The following PIH1D2 variants were observed in gnomAD, a reference collection of about 807,000 sequenced individuals.
The protein encoded by PIH1D2 is PIH1 domain-containing protein 2.
A neutral mutation model predicts 31.2 loss-of-function variants in PIH1D2; 25 were observed. The observed-to-expected ratio is 0.80, with a 90% CI of 0.58 to 1.12. PIH1D2 has a LOEUF of 1.12. Among genes scored for constraint, PIH1D2 ranks in the 50% most tolerant of loss-of-function variants. The pLI, the probability that PIH1D2 is intolerant of heterozygous loss-of-function variation, is 0.00. For synonymous variants in PIH1D2, 116 were observed against 119.9 expected (o/e 0.97, Z 0.21); for missense variants, 310 against 356.6 (o/e 0.87, Z 1.05).
In PIH1D2 at chr11:112,067,915, T is replaced by C. The variant is rs781988609; in HGVS notation, c.904A>G (p.Ile302Val). 4.3e-6 allele frequency: 7 copies of C among 1,611,300 alleles called. No individual in the cohort carries two copies. The Admixed American group carries it at 6.7e-5, about 15-fold the overall frequency. Residue 302 changes from isoleucine to valine, a missense_variant, in exon 6 of 6, where the codon ATC (isoleucine) becomes GTC (valine). By Grantham distance (29) the Ile-to-Val change is conservative. Coordinates refer to ENST00000280350, the MANE Select transcript of PIH1D2 (RefSeq NM_138789.4). ...ATGATTAGCGTGGATTTTTCTTTGA[T>C]AAATTTTGCTGTGGTCATTTCAGTA... is the stretch of plus-strand genomic sequence containing the variant. ...IDTEMTTAKF[I>V]KEKSTLIITM...
At position 112,071,302 on chromosome 11, in the gene PIH1D2, G is replaced by T; in HGVS notation, c.302-19C>A. On this transcript the variant is annotated intron_variant, in intron 3 of 5. Coordinates refer to ENST00000280350, the MANE Select transcript of PIH1D2 (RefSeq NM_138789.4). ...TAAGCATCTGTGTGTGTAATTGAAAGGGTATGAAATGAAGAAAAATTGTTG... is the reference window on the plus strand; with the variant it reads ...TAAGCATCTGTGTGTGTAATTGAAATGGTATGAAATGAAGAAAAATTGTTG... The T allele has an allele frequency of 6.3e-7, 1 of 1,593,106 alleles. No homozygotes were observed. Among genetic ancestry groups the T allele is most frequent in the Non-Finnish European group, 8.5e-7 (1 of 1,169,770 alleles).
chr11:112,055,121 A>G, the PIH1D2 span, among the ~76,000 whole-genome samples: 2 of 151,582 alleles, frequency 1.3e-5, no homozygotes, highest in East Asian at 3.9e-4. Flanking sequence ...AACAGACTTT[A>G]GTCTTCCTGT....
chr11:112,067,709 T>TATATATATATATATATATATATAG (rs1864981166), downstream of PIH1D2: 1 of 222,800 alleles, frequency 4.5e-6, no homozygotes, highest in Non-Finnish European at 7.9e-6. Flanking sequence ...TATATATATA[T>TATATATATATATATATATATATAG]ATATTTGACA....
In PIH1D2 at chr11:112,070,548, G is replaced by A. The variant is rs781970407; in HGVS notation, c.701C>T (p.Ala234Val). 4 of 1,614,092 alleles carry A rather than the reference G, an allele frequency of 2.5e-6. No homozygotes were observed. In the East Asian group the frequency reaches 6.7e-5, roughly 27 times the overall value. ...ATCATGCACAATTTTTAGTTCATAG[G>A]CTGGCATCTTCATCTCCACCTGGAT... ...TEIQVEMKMP[A>V]YELKIVHDHS... The change falls in exon 5 of 6, where the codon GCC becomes GTC. Residue 234 changes from alanine (A) to valine (V), a missense_variant. Ala to Val is a moderately conservative substitution (Grantham distance 64). Coordinates refer to ENST00000280350, the MANE Select transcript of PIH1D2 (RefSeq NM_138789.4).
chr11:112,071,235 G>A lies in PIH1D2; in HGVS notation c.350C>T (p.Ala117Val), dbSNP rs1425917. 0.087 allele frequency: 140,291 copies of A among 1,613,306 alleles called. 7,084 individuals are homozygous for A. The highest frequency in any genetic ancestry group is 0.1 in the Non-Finnish European group (121,607 of 1,179,496). ...DVAYNPDVLH[A>V]AEKDQVKKNQ... ...TTTTTTCACTTGGTCCTTTTCTGCT[G>A]CATGAAGAACATCAGGATTGTAGGC... The change falls in exon 4 of 6, where the codon GCA (alanine) becomes GTA (valine). Residue 117 changes from alanine to valine, a missense_variant. Coordinates refer to ENST00000280350, the MANE Select transcript of PIH1D2 (RefSeq NM_138789.4).
the PIH1D2 span, among the ~76,000 whole-genome samples, chr11:112,058,019 G>T: frequency 2.0e-5 from 3 of 152,098 alleles, no homozygotes; most frequent in Non-Finnish European, 4.4e-5. Flanking sequence ...CATGTGACTC[G>T]CTTTATTGCA....
downstream of PIH1D2, among the ~76,000 whole-genome samples, chr11:112,058,651 T>C (rs1864298933): frequency 6.6e-6 from 1 of 151,522 alleles, no homozygotes; most frequent in Non-Finnish European, 1.5e-5. Context: ...CCTTTTTTTT[T>C]TTCTACTAAC....
At chr11:112,061,278 T>C, downstream of PIH1D2, 1 of 1,238,466 alleles carries the variant, frequency 8.1e-7, no homozygotes, top group Non-Finnish European at 1.2e-6. Context: ...CCCTCAAATA[T>C]CGTGATCCAC....
chr11:112,053,508 A>G, the PIH1D2 span, among the ~76,000 whole-genome samples: 1 of 151,964 alleles, frequency 6.6e-6, no homozygotes, highest in East Asian at 1.9e-4. Context: ...GCTAGAGTGC[A>G]GTGGCGTGAT....
At chr11:112,053,774 A>G in the PIH1D2 span, among the ~76,000 whole-genome samples, 6 of 152,082 alleles carry the variant, frequency 3.9e-5, no homozygotes, top group African/African-American at 7.2e-5. Flanking sequence ...CTTTTAAACT[A>G]TTGTTTCTTC....
downstream of PIH1D2, chr11:112,061,052 G>T: frequency 6.2e-7 from 1 of 1,601,940 alleles, no homozygotes; most frequent in South Asian, 1.1e-5. Flanking sequence ...GCACTTTTAC[G>T]ATCTCCAATT....
chr11:112,064,083 G>T, downstream of PIH1D2: 2 of 1,145,000 alleles, frequency 1.7e-6, no homozygotes, highest in Non-Finnish European at 2.4e-6. Flanking sequence ...TCAGTAATTA[G>T]TAATTTTAGG....
rs980270764 is a variant in PIH1D2, at chr11:112,068,983, T to G, written c.814-978A>C. On this transcript the variant is annotated intron_variant, in intron 5 of 5. Coordinates refer to ENST00000280350, the MANE Select transcript of PIH1D2 (RefSeq NM_138789.4). ...TGTTAAAACCTCTGAATTTTTTTTGTTTTTTTTTTTTTTTGTTTTTTTTTT... is the reference window on the plus strand; with the variant it reads ...TGTTAAAACCTCTGAATTTTTTTTGGTTTTTTTTTTTTTTGTTTTTTTTTT... 2.0e-4 allele frequency among the ~76,000 whole-genome samples: 19 copies of G among 94,236 alleles called. 1 individual carries two copies. The highest frequency in any genetic ancestry group is 9.5e-4 in the African/African-American group (15 of 15,800). The allele number at this position is 94,236 out of a possible 152,430, so 61.8% of individuals were successfully genotyped here. A position where few individuals can be genotyped will look rare whatever the true frequency, so the allele number is the denominator to read the frequency against.
downstream of PIH1D2, chr11:112,059,935 G>A (rs782629889): frequency 2.5e-6 from 4 of 1,612,788 alleles, no homozygotes; most frequent in Admixed American, 1.7e-5. Context: ...GTTGCGGTCA[G>A]TACTCCTGCA....
chr11:112,070,940 TC>T (rs1865089326), intron 4 of PIH1D2, 97 bp downstream of exon 4: 2 of 1,376,502 alleles, frequency 1.5e-6, no homozygotes, highest in Non-Finnish European at 1.9e-6. Context: ...CTTAAGTTTT[TC>T]ACCTTTTAAA....
At chr11:112,066,135 G>A (rs587725685), downstream of PIH1D2, among the ~76,000 whole-genome samples, 1 of 152,248 alleles carries the variant, frequency 6.6e-6, no homozygotes, top group South Asian at 2.1e-4. Context: ...TTATTACAAG[G>A]ATAATTAAAG....
downstream of PIH1D2, among the ~76,000 whole-genome samples, chr11:112,064,843 T>A (rs1402161619): frequency 1.6e-5 from 1 of 62,266 alleles, no homozygotes; most frequent in Non-Finnish European, 4.1e-5. Flanking sequence ...GGTCTCCAAA[T>A]TTTTTTTTTT....
downstream of PIH1D2, among the ~76,000 whole-genome samples, chr11:112,059,538 G>A (rs934434815): frequency 7.2e-5 from 11 of 151,944 alleles, no homozygotes; most frequent in African/African-American, 2.2e-4. Flanking sequence ...CACTACAGCT[G>A]TGCACCACCA....
chr11:112,065,076 G>C (rs587692646), downstream of PIH1D2, among the ~76,000 whole-genome samples: 2 of 152,010 alleles, frequency 1.3e-5, no homozygotes, highest in Non-Finnish European at 2.9e-5. Context: ...TCCTGACCTT[G>C]TGATCTGCCC....
Sources: gnomAD v4.1 joint callset for allele counts (sites outside exome capture counted in the v4.1 genomes callset) on GRCh38, gnomAD v4.1.1 for gene constraint, MANE v1.5 for transcripts, NCBI Gene and HGNC (gene_info 2026-07-23, HGNC 2026-07-21) for gene names.